LYRM4: variants seen among roughly 807,000 people sequenced by gnomAD.
The protein encoded by LYRM4 is LYR motif-containing protein 4.
LYRM4 carries 9 observed loss-of-function variants against 11.7 expected under a neutral mutation model. The ratio of observed to expected loss-of-function variants is 0.77; its 90% CI spans 0.46 to 1.34. The LOEUF is 1.34. Ranked by LOEUF, LYRM4 falls within the 40% of genes most tolerant of loss-of-function variation. The probability of loss-of-function intolerance (pLI) is 0.00; values close to 1 mark genes in which losing one functional copy is unlikely to be tolerated. For missense variants in LYRM4, 133 were observed against 112.5 expected (o/e 1.18, Z -0.82); for synonymous variants, 42 against 40.4 (o/e 1.04, Z -0.15).
intron 2 of LYRM4, among the ~76,000 whole-genome samples, chr6:5,161,828 T>C (rs1758775686): frequency 6.6e-6 from 1 of 152,140 alleles, no homozygotes; most frequent in Non-Finnish European, 1.5e-5. Flanking sequence ...ACATGAACGA[T>C]CTAGGCCTTT....
At chr6:5,055,099 C>G in the LYRM4 span, among the ~76,000 whole-genome samples, 4 of 152,238 alleles carry the variant, frequency 2.6e-5, no homozygotes, top group African/African-American at 4.8e-5. The surrounding 1 kb of genome is among the most constrained non-coding windows in gnomAD (Gnocchi z 4.5). Context: ...TAAGCTCCAG[C>G]TTAACTCTTT....
At chr6:5,040,352 G>GATAGATAGATAGATAC in the LYRM4 span, among the ~76,000 whole-genome samples, 3,292 of 129,924 alleles carry the variant, frequency 0.025, 48 homozygotes, top group East Asian at 0.032. Context: ...TAGATAGATA[G>GATAGATAGATAGATAC]ATACATACAT....
At chr6:5,242,867 A>G (rs2773305) in intron 1 of LYRM4, among the ~76,000 whole-genome samples, 43,755 of 142,258 alleles carry the variant, frequency 0.31, 8,554 homozygotes, top group African/African-American at 0.59. Flanking sequence ...TCCGCTTCCC[A>G]GGTTCACGCC....
chr6:5,128,293 A>G (rs1432006297), intron 2 of LYRM4, among the ~76,000 whole-genome samples: 1 of 152,220 alleles, frequency 6.6e-6, no homozygotes, highest in East Asian at 1.9e-4. Context: ...TATATCCTGG[A>G]AGCAGGGCAC....
At chr6:5,032,756 G>T in the LYRM4 span, 1 of 152,200 alleles carries the variant, frequency 6.6e-6, no homozygotes, top group Non-Finnish European at 1.5e-5. Flanking sequence ...CGGGGATGGA[G>T]ACTGAAAGAG....
At chr6:5,131,050 T>C (rs987250968) in intron 2 of LYRM4, among the ~76,000 whole-genome samples, 7 of 151,978 alleles carry the variant, frequency 4.6e-5, no homozygotes, top group East Asian at 1.9e-4. Context: ...TAAACAAAAG[T>C]GGTAAAGGAA....
chr6:5,169,907 G>A lies in LYRM4; in HGVS notation c.207+46711C>T, dbSNP rs927360511. ...TGAGAAAGCTTTCAGAGAGACAAGC[G>A]TTTAAAAAGAAATGGCCAGCAAAGG... is the stretch of plus-strand genomic sequence containing the variant. On this transcript the variant is annotated intron_variant, in intron 2 of 2. Coordinates refer to ENST00000330636, the MANE Select transcript of LYRM4 (RefSeq NM_020408.6). Among the ~76,000 whole-genome samples, 5 of 152,310 alleles carry A rather than the reference G, an allele frequency of 3.3e-5. No individual in the cohort carries two copies. In the South Asian group the frequency reaches 6.2e-4, roughly 19 times the overall value.
At chr6:5,136,983 C>T (rs988118732) in intron 2 of LYRM4, 7 of 339,728 alleles carry the variant, frequency 2.1e-5, no homozygotes, top group East Asian at 3.4e-4. Flanking sequence ...ACTCATTAGT[C>T]GCCTTTCAAA....
At chr6:5,187,693 T>C (rs563426719) in intron 2 of LYRM4, among the ~76,000 whole-genome samples, 55 of 152,312 alleles carry the variant, frequency 3.6e-4, no homozygotes, top group African/African-American at 1.2e-3. Context: ...ACACAGCACA[T>C]GTATACCTAT....
the LYRM4 span, among the ~76,000 whole-genome samples, chr6:5,046,233 G>A: frequency 6.6e-6 from 1 of 151,750 alleles, no homozygotes; most frequent in Non-Finnish European, 1.5e-5. Flanking sequence ...TGCAAGCTCT[G>A]CCTCCTGGGT....
intron 2 of LYRM4, among the ~76,000 whole-genome samples, chr6:5,157,824 G>A (rs1271403493): frequency 6.6e-6 from 1 of 152,242 alleles, no homozygotes; most frequent in Non-Finnish European, 1.5e-5. Flanking sequence ...AACAGTGCCT[G>A]AGCCAGAGTA....
At chr6:5,157,228 C>A (rs949626589) in intron 2 of LYRM4, among the ~76,000 whole-genome samples, 1 of 152,148 alleles carries the variant, frequency 6.6e-6, no homozygotes, top group Non-Finnish European at 1.5e-5. Flanking sequence ...CAGGAATAAC[C>A]TAGTGTGGCG....
intron 2 of LYRM4, chr6:5,113,390 C>A (rs1443333243): frequency 4.8e-6 from 2 of 419,956 alleles, no homozygotes; most frequent in South Asian, 3.3e-5. Context: ...TGCACTCCAG[C>A]CTGGGTGACA....
chr6:5,157,841 C>T (rs1758505569), intron 2 of LYRM4, among the ~76,000 whole-genome samples: 1 of 152,188 alleles, frequency 6.6e-6, no homozygotes, highest in Admixed American at 6.5e-5. Context: ...AGTAGGGTAA[C>T]ATGAATTGGA....
At chr6:5,251,545 G>A (rs1259990343) in intron 1 of LYRM4, among the ~76,000 whole-genome samples, 3 of 152,090 alleles carry the variant, frequency 2.0e-5, no homozygotes, top group African/African-American at 7.2e-5. Context: ...GGAAGGAGAT[G>A]CCACATACTT....
downstream of LYRM4, among the ~76,000 whole-genome samples, chr6:5,101,611 A>G (rs1012444803): frequency 9.2e-5 from 14 of 152,204 alleles, no homozygotes; most frequent in Non-Finnish European, 1.9e-4. Flanking sequence ...TGGGGGCTGC[A>G]TATAGTTGAC....
At chr6:5,058,260 G>C in the LYRM4 span, among the ~76,000 whole-genome samples, 12 of 152,182 alleles carry the variant, frequency 7.9e-5, no homozygotes, top group Non-Finnish European at 1.3e-4. Flanking sequence ...GTCACATGGG[G>C]TCATTAATGA....
At chr6:5,255,259 T>C (rs967886941) in intron 1 of LYRM4, among the ~76,000 whole-genome samples, 3 of 152,196 alleles carry the variant, frequency 2.0e-5, no homozygotes, top group Non-Finnish European at 4.4e-5. Flanking sequence ...ACATCTGCAT[T>C]CTCTCATGAG....
At chr6:5,202,565 T>C (rs1196436626) in intron 2 of LYRM4, among the ~76,000 whole-genome samples, 3 of 152,196 alleles carry the variant, frequency 2.0e-5, no homozygotes, top group Non-Finnish European at 4.4e-5. Context: ...TCTGTTCAGA[T>C]GTTTGGGCAA....
Sources: allele counts gnomAD v4.1 joint callset (sites outside exome capture counted in the v4.1 genomes callset), GRCh38; gene constraint gnomAD v4.1.1; non-coding constraint Gnocchi (gnomAD v3.1); transcripts MANE v1.5; gene names NCBI Gene and HGNC (gene_info 2026-07-23, HGNC 2026-07-21).